CADPS2: variants seen among roughly 807,000 people sequenced by gnomAD.
The protein encoded by CADPS2 is calcium-dependent secretion activator 2.
CADPS2 carries 93 observed loss-of-function variants against 172.5 expected under a neutral mutation model. That is an observed-to-expected ratio of 0.54 (90% CI 0.46 to 0.64). The LOEUF is 0.64. Ranked by LOEUF, CADPS2 falls within the 30% of genes least tolerant of loss-of-function variation. The probability of loss-of-function intolerance (pLI) is 0.00; values close to 1 mark genes in which losing one functional copy is unlikely to be tolerated. For missense variants in CADPS2, 1,420 were observed against 1,565.9 expected (o/e 0.91, Z 1.57); for synonymous variants, 546 against 555.2 (o/e 0.98, Z 0.23).
chr7:122,383,069 A>G (rs1296728548), intron 24 of CADPS2, among the ~76,000 whole-genome samples: 5 of 152,156 alleles, frequency 3.3e-5, no homozygotes, highest in Non-Finnish European at 7.4e-5. Flanking sequence ...TAGCAAAGAC[A>G]TGAAATCAAC....
chr7:122,583,705 T>C (rs2069182966), intron 6 of CADPS2, among the ~76,000 whole-genome samples: 1 of 151,294 alleles, frequency 6.6e-6, no homozygotes, highest in Admixed American at 6.6e-5. Context: ...ATGTCCTTCA[T>C]ATCATATACC....
intron 12 of CADPS2, 129 bp downstream of exon 12, chr7:122,480,723 C>CTTA (rs2057188377): frequency 1.7e-6 from 1 of 595,240 alleles, no homozygotes; most frequent in East Asian, 3.1e-5. Context: ...ATAAAGCTAA[C>CTTA]TTAAATATTC....
chr7:122,497,537 C>T (rs1390798363), intron 9 of CADPS2, among the ~76,000 whole-genome samples: 1 of 152,146 alleles, frequency 6.6e-6, no homozygotes, highest in East Asian at 1.9e-4. Context: ...TTCCATTACC[C>T]ATTCCCATCT....
chr7:122,840,999 T>C (rs1182745407), intron 1 of CADPS2, among the ~76,000 whole-genome samples: 1 of 152,162 alleles, frequency 6.6e-6, no homozygotes, highest in Non-Finnish European at 1.5e-5. Flanking sequence ...AGCAAGAGTT[T>C]ATGTAACAAA....
intron 1 of CADPS2, among the ~76,000 whole-genome samples, chr7:122,774,076 T>C (rs2093789514): frequency 6.6e-6 from 1 of 152,032 alleles, no homozygotes; most frequent in South Asian, 2.1e-4. Context: ...CTTGCAAGCA[T>C]TTTAGATTTT....
chr7:122,875,399 T>C (rs1820940529), intron 1 of CADPS2, among the ~76,000 whole-genome samples: 1 of 152,046 alleles, frequency 6.6e-6, no homozygotes, highest in Non-Finnish European at 1.5e-5. Flanking sequence ...TCAAAACATA[T>C]GAATTAAATA....
At chr7:122,534,859 A>G (rs537546786) in intron 8 of CADPS2, among the ~76,000 whole-genome samples, 15 of 152,238 alleles carry the variant, frequency 9.9e-5, no homozygotes, top group African/African-American at 3.4e-4. Context: ...AAGCAAATAC[A>G]GTTTCTGAGT....
chr7:122,594,550 T>A (rs1024920496), intron 6 of CADPS2, among the ~76,000 whole-genome samples: 2 of 152,026 alleles, frequency 1.3e-5, no homozygotes, highest in Non-Finnish European at 2.9e-5. Context: ...TGTGAAGTAT[T>A]CATGCCATTA....
At position 122,528,110 on chromosome 7, in the gene CADPS2, A is replaced by AGTGGTGGTGGTGGTG. The variant is rs71159802; in HGVS notation, c.1476-14810_1476-14796dup. Among the ~76,000 whole-genome samples, 57 of 130,122 alleles carry AGTGGTGGTGGTGGTG rather than the reference A, an allele frequency of 4.4e-4. No homozygotes were observed. In the South Asian group the frequency reaches 7.0e-3, roughly 16 times the overall value. 85.4% of individuals were successfully genotyped at this position (130,122 alleles called of 152,430 possible). On this transcript the variant is annotated intron_variant, in intron 8 of 29. Transcript: ENST00000449022. Reference sequence around the variant, plus strand: ...AAAACACAATGTAGATGAAGGCATTAGTGGTGGTGGTGGTGGTGGTGGTGG... The same window carrying AGTGGTGGTGGTGGTG: ...AAAACACAATGTAGATGAAGGCATTAGTGGTGGTGGTGGTGGTGGTGGTGGTGGTGGTGGTGGTGG...
At chr7:122,493,188 T>C (rs2058451585) in intron 9 of CADPS2, among the ~76,000 whole-genome samples, 1 of 152,036 alleles carries the variant, frequency 6.6e-6, no homozygotes, top group South Asian at 2.1e-4. Context: ...TAAAGAACTA[T>C]AAATCAACAG....
intron 17 of CADPS2, chr7:122,422,063 G>A (rs185198763): frequency 2.5e-4 from 38 of 152,262 alleles, no homozygotes; most frequent in Admixed American, 2.2e-3. Flanking sequence ...TGGCTGAGGT[G>A]AGAAACACAA....
intron 3 of CADPS2, among the ~76,000 whole-genome samples, chr7:122,644,781 C>T (rs967813793): frequency 6.6e-6 from 1 of 151,988 alleles, no homozygotes; most frequent in African/African-American, 2.4e-5. Context: ...GAAGTCATTC[C>T]CAAACTCTCA....
At chr7:122,678,001 T>C (rs376279707) in intron 2 of CADPS2, among the ~76,000 whole-genome samples, 10 of 152,318 alleles carry the variant, frequency 6.6e-5, no homozygotes, top group South Asian at 2.1e-4. Flanking sequence ...TACCACATCA[T>C]TGTATGTCTC....
At chr7:122,441,344 G>A (rs537253330) in intron 16 of CADPS2, among the ~76,000 whole-genome samples, 168 bp downstream of exon 16, 13 of 152,152 alleles carry the variant, frequency 8.5e-5, no homozygotes, top group Admixed American at 1.3e-4. Context: ...GGAGAATGAA[G>A]TGCTGTAGAC....
At chr7:122,756,293 G>A (rs1450158441) in intron 1 of CADPS2, among the ~76,000 whole-genome samples, 2 of 152,002 alleles carry the variant, frequency 1.3e-5, no homozygotes, top group African/African-American at 4.8e-5. Flanking sequence ...AAAATCAAAT[G>A]TTGCTTAGTT....
intron 1 of CADPS2, among the ~76,000 whole-genome samples, chr7:122,790,209 C>A (rs1444212093): frequency 6.6e-6 from 1 of 151,244 alleles, no homozygotes; most frequent in Non-Finnish European, 1.5e-5. Context: ...CCAGCCTGGG[C>A]AACAAAAGGA....
At chr7:122,516,992 A>G (rs964394203) in intron 8 of CADPS2, among the ~76,000 whole-genome samples, 3 of 152,112 alleles carry the variant, frequency 2.0e-5, no homozygotes, top group Admixed American at 6.6e-5. Flanking sequence ...CACCACCACA[A>G]TCAACTTATA....
At chr7:122,857,631 A>T (rs190075808) in intron 1 of CADPS2, among the ~76,000 whole-genome samples, 1 of 152,306 alleles carries the variant, frequency 6.6e-6, no homozygotes, top group East Asian at 1.9e-4. Flanking sequence ...TCCTATTCAA[A>T]CAAGTTTCCC....
At chr7:122,867,225 C>A (rs1368077118) in intron 1 of CADPS2, among the ~76,000 whole-genome samples, 4 of 152,096 alleles carry the variant, frequency 2.6e-5, no homozygotes, top group African/African-American at 2.4e-5. Context: ...GTTGCTTAAT[C>A]CATCTCCTCT....
Sources: allele counts gnomAD v4.1 joint callset (sites outside exome capture counted in the v4.1 genomes callset), GRCh38; gene constraint gnomAD v4.1.1; transcripts MANE v1.5; gene names NCBI Gene and HGNC (gene_info 2026-07-23, HGNC 2026-07-21).